The following CDK13 variants were observed in gnomAD, a reference collection of about 807,000 sequenced individuals.
CDK13 encodes the protein cyclin dependent kinase 13, also known as cyclin-dependent kinase 13.
In CDK13, 40 loss-of-function variants were observed where a neutral mutation model predicts 137.6. The observed-to-expected ratio is 0.29, with a 90% confidence interval of 0.23 to 0.38. The LOEUF (loss-of-function observed/expected upper bound fraction) is 0.38, where lower values mean the gene tolerates loss of function less well. CDK13 is among the 10% of genes least tolerant of loss of function. The probability of loss-of-function intolerance (pLI) is 1.00; values close to 1 mark genes in which losing one functional copy is unlikely to be tolerated. For missense variants in CDK13, 1,704 were observed against 1,951.8 expected, an observed-to-expected ratio of 0.87 and a Z score of 2.39; for synonymous variants, 869 against 760.1, an observed-to-expected ratio of 1.14 and a Z score of -2.36.
intron 5 of CDK13, among the ~76,000 whole-genome samples, chr7:40,008,408 A>G (rs1174066532): frequency 1.3e-5 from 2 of 152,348 alleles, no homozygotes; most frequent in East Asian, 3.9e-4. Context: ...ACAAACAAAC[A>G]TCTGGTCCCT....
intron 4 of CDK13, among the ~76,000 whole-genome samples, chr7:40,001,065 T>C (rs1271528608): frequency 1.3e-5 from 2 of 152,220 alleles, no homozygotes; most frequent in Non-Finnish European, 2.9e-5. Flanking sequence ...GGTCAAGTAA[T>C]ATGTCTGAGC....
intron 5 of CDK13, among the ~76,000 whole-genome samples, chr7:40,014,365 C>G (rs1172173347): frequency 6.6e-6 from 1 of 151,696 alleles, no homozygotes; most frequent in Non-Finnish European, 1.5e-5. Flanking sequence ...CTGCCCCCAG[C>G]CTGTCTTGTC....
At chr7:40,028,006 G>GT (rs77541855) in intron 5 of CDK13, among the ~76,000 whole-genome samples, 39,452 of 141,174 alleles carry the variant, frequency 0.28, 5,641 homozygotes, top group Middle Eastern at 0.48. Flanking sequence ...AATTAACCTT[G>GT]TTTTTTTTTT....
chr7:40,062,862 C>T lies in CDK13; in HGVS notation c.2637C>T (p.Tyr879=), dbSNP rs1461471484. The T allele has an allele frequency of 6.2e-7, 1 of 1,613,768 alleles. No homozygotes were observed. ...PYTNKVITLW[Y]RPPELLLGEE... ...CTAACAAGGTAATTACTTTATGGTA[C>T]CGTCCACCTGAACTGCTACTGGGAG... is the stretch of plus-strand genomic sequence containing the variant. The change falls in exon 8 of 14, where the codon TAC becomes TAT. Residue 879 remains tyrosine (Y), a synonymous_variant. Coordinates refer to ENST00000181839, the MANE Select transcript of CDK13 (RefSeq NM_003718.5).
At chr7:40,072,178 G>A (rs1003260478) in intron 9 of CDK13, 1 of 152,182 alleles carries the variant, frequency 6.6e-6, no homozygotes, top group Non-Finnish European at 1.5e-5. Flanking sequence ...CCAAGCTGGA[G>A]GGCAGTGGTA....
At chr7:40,018,087 G>A (rs1313841334) in intron 5 of CDK13, among the ~76,000 whole-genome samples, 1 of 151,648 alleles carries the variant, frequency 6.6e-6, no homozygotes, top group African/African-American at 2.4e-5. Context: ...TAAAAAAAAA[G>A]ATTTTATTTT....
At chr7:39,961,619 T>G (rs1783729339) in intron 1 of CDK13, among the ~76,000 whole-genome samples, 3 of 147,016 alleles carry the variant, frequency 2.0e-5, no homozygotes. Flanking sequence ...CTGTCACAAA[T>G]GACATAATTT....
At chr7:40,084,926 A>G (rs1786750853) in intron 11 of CDK13, among the ~76,000 whole-genome samples, 1 of 152,232 alleles carries the variant, frequency 6.6e-6, no homozygotes, top group Non-Finnish European at 1.5e-5. Flanking sequence ...CAAGAAAGCA[A>G]ATAAAAGTTT....
chr7:39,954,941 A>G (rs1391543878), intron 1 of CDK13, among the ~76,000 whole-genome samples: 1 of 152,180 alleles, frequency 6.6e-6, no homozygotes, highest in African/African-American at 2.4e-5. Context: ...TTTTGATGTC[A>G]GATAAATAAA....
At chr7:39,961,717 T>C (rs1205749670) in intron 1 of CDK13, among the ~76,000 whole-genome samples, 1 of 152,072 alleles carries the variant, frequency 6.6e-6, no homozygotes, top group African/African-American at 2.4e-5. Flanking sequence ...ACATGTGCCA[T>C]GTTGGTGTGC....
chr7:40,000,328 T>C (rs1046937085), intron 4 of CDK13, among the ~76,000 whole-genome samples: 52 of 152,144 alleles, frequency 3.4e-4, no homozygotes, highest in African/African-American at 1.2e-3. Flanking sequence ...ATCACACCAC[T>C]GCACTCCAGC....
chr7:40,054,415 G>A (rs535832781), intron 7 of CDK13, among the ~76,000 whole-genome samples: 1 of 151,832 alleles, frequency 6.6e-6, no homozygotes, highest in Non-Finnish European at 1.5e-5. Context: ...TCCCATGAAA[G>A]TTATATTAAA....
At chr7:40,024,666 T>G (rs1168537538) in intron 5 of CDK13, among the ~76,000 whole-genome samples, 3 of 132,340 alleles carry the variant, frequency 2.3e-5, no homozygotes, top group Admixed American at 7.5e-5. Flanking sequence ...TTTTTTTTTT[T>G]TTTTTTTTTT....
At chr7:40,006,760 C>T (rs1262400705) in intron 5 of CDK13, among the ~76,000 whole-genome samples, 1 of 152,006 alleles carries the variant, frequency 6.6e-6, no homozygotes, top group Non-Finnish European at 1.5e-5. Flanking sequence ...CCAGCCTGGG[C>T]GACAGAGTGA....
intron 9 of CDK13, among the ~76,000 whole-genome samples, chr7:40,067,068 G>A (rs1229095670): frequency 3.3e-5 from 5 of 152,086 alleles, no homozygotes; most frequent in African/African-American, 7.2e-5. Context: ...AGCATTATTC[G>A]AAGAGTTTCA....
chr7:39,983,101 A>G lies in CDK13; in HGVS notation c.1212-4498A>G, dbSNP rs370306278. On this transcript the variant is annotated intron_variant, in intron 1 of 13. Coordinates refer to ENST00000181839, the MANE Select transcript of CDK13 (RefSeq NM_003718.5). ...AGACATGAAGTCCTTGCCCATGCCTATGTCCTGAATGGTAATGCCTAGGTT... is the reference window on the plus strand; with the variant it reads ...AGACATGAAGTCCTTGCCCATGCCTGTGTCCTGAATGGTAATGCCTAGGTT... Among the ~76,000 whole-genome samples the G allele has an allele frequency of 4.6e-5, 7 of 152,160 alleles. No individual in the cohort carries two copies. The East Asian group carries it at 7.7e-4, about 17-fold the overall frequency.
intron 11 of CDK13, among the ~76,000 whole-genome samples, chr7:40,081,364 A>G (rs1786658995): frequency 6.6e-6 from 1 of 152,206 alleles, no homozygotes; most frequent in Admixed American, 6.5e-5. Flanking sequence ...ATTTTTAAGT[A>G]GAGCAATTAT....
rs1351967263 is a variant in CDK13, at chr7:40,097,394, T to G, written c.*2414T>G. On this transcript the variant is annotated 3_prime_UTR_variant, in exon 14 of 14. Coordinates refer to ENST00000181839, the MANE Select transcript of CDK13 (RefSeq NM_003718.5). ...GCATCCCAGATTCAGACATATTATATGAAAATATGTCTTATAATTGATGAA... is the reference window on the plus strand; with the variant it reads ...GCATCCCAGATTCAGACATATTATAGGAAAATATGTCTTATAATTGATGAA... The G allele has an allele frequency of 6.6e-6, 1 of 152,098 alleles. No homozygotes were observed. Among genetic ancestry groups the G allele is most frequent in the Non-Finnish European group, 1.5e-5 (1 of 67,978 alleles). 9.4% of individuals were successfully genotyped at this position (152,098 alleles called of 1,614,324 possible).
chr7:39,968,538 C>G (rs906174744), intron 1 of CDK13, among the ~76,000 whole-genome samples: 3 of 152,192 alleles, frequency 2.0e-5, no homozygotes, highest in Non-Finnish European at 4.4e-5. Flanking sequence ...GTGCCTCACT[C>G]CCATCACCAT....
Sources: gnomAD v4.1 joint callset for allele counts (sites outside exome capture counted in the v4.1 genomes callset) on GRCh38, gnomAD v4.1.1 for gene constraint, MANE v1.5 for transcripts, NCBI Gene and HGNC (gene_info 2026-07-23, HGNC 2026-07-21) for gene names.